The following ZXDC variants were observed in gnomAD, a reference collection of about 807,000 sequenced individuals.
The protein encoded by ZXDC is ZXD family zinc finger C.
ZXDC carries 58 observed loss-of-function variants against 63.6 expected under a neutral mutation model. The ratio of observed to expected loss-of-function variants is 0.91; its 90% CI spans 0.74 to 1.13. The LOEUF is 1.13. ZXDC is among the 50% of genes most tolerant of loss of function. ZXDC has a pLI of 0.00. For synonymous variants in ZXDC, 561 were observed against 496.1 expected (o/e 1.13, Z -1.74); for missense variants, 1,133 against 1,148.9 (o/e 0.99, Z 0.20).
Position 126,448,580 on chromosome 3 carries a change from A to G in ZXDC, c.2213-6634T>C, listed in dbSNP as rs1933970714. 3.3e-5 allele frequency among the ~76,000 whole-genome samples: 5 copies of G among 152,202 alleles called. No homozygotes were observed. In the South Asian group the frequency reaches 1.0e-3, roughly 32 times the overall value. On this transcript the variant is annotated intron_variant, in intron 7 of 9. Transcript: ENST00000389709. Reference sequence around the variant, plus strand: ...AGGCATCCCGGGCAGGCACCAGGGCATGGCACGGCCATGCACTAAGAAGCA... The same window carrying G: ...AGGCATCCCGGGCAGGCACCAGGGCGTGGCACGGCCATGCACTAAGAAGCA...
chr3:126,446,425 A>T (rs1933884408), intron 7 of ZXDC, among the ~76,000 whole-genome samples: 1 of 152,082 alleles, frequency 6.6e-6, no homozygotes, highest in Non-Finnish European at 1.5e-5. Context: ...CCATGACGAG[A>T]ATTAGGTGAG....
At chr3:126,464,264 A>T (rs996678174) in intron 5 of ZXDC, among the ~76,000 whole-genome samples, 1 of 152,266 alleles carries the variant, frequency 6.6e-6, no homozygotes, top group Non-Finnish European at 1.5e-5. Context: ...AGCATCTGGC[A>T]AAACAGTCAT....
chr3:126,450,055 T>C (rs1934038454), intron 7 of ZXDC, among the ~76,000 whole-genome samples: 1 of 152,138 alleles, frequency 6.6e-6, no homozygotes, highest in African/African-American at 2.4e-5. Flanking sequence ...TACCTTTCCC[T>C]GAGACAGTCA....
rs1452088974 is a variant in ZXDC, at chr3:126,437,897, A to C, written c.*478T>G. 5.9e-6 allele frequency: 1 copy of C among 168,932 alleles called. No homozygotes were observed. The highest frequency in any genetic ancestry group is 1.8e-4 in the East Asian group (1 of 5,446). 10.5% of individuals were successfully genotyped at this position (168,932 alleles called of 1,614,324 possible). ...GTGGCAATGGGACCACCTGGGCCCT[A>C]CAGTGTGGCAAAATCAACTTGCCCA... is the stretch of plus-strand genomic sequence containing the variant. On this transcript the variant is annotated 3_prime_UTR_variant, in exon 10 of 10. Coordinates refer to ENST00000389709, the MANE Select transcript of ZXDC (RefSeq NM_025112.5).
In ZXDC at chr3:126,467,157, G is replaced by C. The variant is rs140138161; in HGVS notation, c.1271-832C>G. 2.8e-3 allele frequency among the ~76,000 whole-genome samples: 431 copies of C among 152,160 alleles called. 3 individuals are homozygous for C. The highest frequency in any genetic ancestry group is 6.8e-3 in the Middle Eastern group (2 of 294). On this transcript the variant is annotated intron_variant, in intron 4 of 9. Transcript: ENST00000389709. ...CGAGAAGGCAGAAAAGCGGTCTCAG[G>C]AGTATGCAGCCCTCGAGGTGACTGG...
At chr3:126,470,024 C>T (rs62264720) in intron 4 of ZXDC, among the ~76,000 whole-genome samples, 1,975 of 152,274 alleles carry the variant, frequency 0.013, 15 homozygotes, top group East Asian at 0.046. Flanking sequence ...CATGACCACC[C>T]GACGTGTCCT....
Position 126,454,037 on chromosome 3 carries a change from T to A in ZXDC, c.2212+5616A>T, listed in dbSNP as rs554472743. The A allele has an allele frequency of 9.2e-6, 7 of 761,318 alleles. No individual in the cohort carries two copies. The East Asian group carries it at 7.7e-4, about 84-fold the overall frequency. The allele number at this position is 761,318 out of a possible 1,614,324, so 47.2% of individuals were successfully genotyped here. ...CAGTACTATATATTATGTATATATA[T>A]AGGTAGTACTACACATATATATATA... On this transcript the variant is annotated intron_variant, in intron 7 of 9. Transcript: ENST00000389709.
At chr3:126,465,075 C>T (rs1035446160) in intron 5 of ZXDC, among the ~76,000 whole-genome samples, 1 of 152,174 alleles carries the variant, frequency 6.6e-6, no homozygotes, top group Non-Finnish European at 1.5e-5. Context: ...CACAGCTGCG[C>T]CCCAAAGCCG....
intron 7 of ZXDC, chr3:126,450,459 C>T: frequency 2.2e-6 from 1 of 456,736 alleles, no homozygotes. Flanking sequence ...GACAAAGCCC[C>T]TGCATCCTCA....
At position 126,439,624 on chromosome 3, in the gene ZXDC, A is replaced by G. The variant is rs778587961; in HGVS notation, c.2490+8T>C. The G allele has an allele frequency of 3.2e-6, 5 of 1,552,406 alleles. No homozygotes were observed. The highest frequency in any genetic ancestry group is 2.4e-5 in the East Asian group (1 of 41,056). Reference sequence around the variant, plus strand: ...TAAGAAAAACAAAGGGCAGTAAGGCATCCAGACCTGGAGGACGTAGACGGG... The same window carrying G: ...TAAGAAAAACAAAGGGCAGTAAGGCGTCCAGACCTGGAGGACGTAGACGGG... On this transcript the variant is annotated splice_region_variant and intron_variant, in intron 9 of 9. Transcript: ENST00000389709.
At position 126,475,232 on chromosome 3, in the gene ZXDC, G is replaced by A. The variant is rs1321692656; in HGVS notation, c.634C>T (p.Leu212=). ...GQGRRPFKCP[L]EGCGWAFTTS... ...GTGAAGGCCCAACCACAGCCCTCCA[G>A]TGGGCACTTGAAGGGCCGCCGGCCC... Residue 212 remains leucine (L), a synonymous_variant, in exon 1 of 10, where the codon CTG becomes TTG. Transcript: ENST00000389709. 1 of 1,568,272 alleles carries A rather than the reference G, an allele frequency of 6.4e-7. No individual in the cohort carries two copies. The highest frequency in any genetic ancestry group is 2.4e-5 in the East Asian group (1 of 42,092).
intron 6 of ZXDC, chr3:126,460,604 C>G: frequency 1.0e-6 from 1 of 985,394 alleles, no homozygotes; most frequent in South Asian, 4.7e-5. Context: ...GTGGCCACCT[C>G]CCATCCCTGC....
intron 7 of ZXDC, chr3:126,451,455 TA>T (rs1170469761): frequency 1.0e-6 from 1 of 985,340 alleles, no homozygotes; most frequent in Non-Finnish European, 1.2e-6. Flanking sequence ...TTCCTTGAGA[TA>T]AATTCAAAAA....
Position 126,437,772 on chromosome 3 carries a change from G to GTAAT in ZXDC, c.*599_*602dup, listed in dbSNP as rs1288876202. ...GAATTTAGTCTGGGAAGAGGGCTCC[G>GTAAT]TAATAGGCCACTGAGGTCCTCTGTC... On this transcript the variant is annotated 3_prime_UTR_variant, in exon 10 of 10. Coordinates refer to ENST00000389709, the MANE Select transcript of ZXDC (RefSeq NM_025112.5). 6.6e-6 allele frequency: 1 copy of GTAAT among 152,638 alleles called. No individual in the cohort carries two copies. Among genetic ancestry groups the GTAAT allele is most frequent in the Non-Finnish European group, 1.5e-5 (1 of 68,402 alleles). The allele number at this position is 152,638 out of a possible 1,614,324, so 9.5% of individuals were successfully genotyped here.
At chr3:126,449,740 T>C (rs1301263235) in intron 7 of ZXDC, among the ~76,000 whole-genome samples, 2 of 152,032 alleles carry the variant, frequency 1.3e-5, no homozygotes, top group African/African-American at 2.4e-5. Context: ...TCACCCTCAA[T>C]CACCTGACGG....
chr3:126,452,295 G>A, intron 7 of ZXDC: 2 of 985,362 alleles, frequency 2.0e-6, no homozygotes, highest in Non-Finnish European at 2.4e-6. Flanking sequence ...AATTGTCCTG[G>A]AACCTGCTTG....
Position 126,475,684 on chromosome 3 carries a change from G to A in ZXDC, c.182C>T (p.Pro61Leu). The A allele has an allele frequency of 7.4e-7, 1 of 1,349,156 alleles. No individual in the cohort carries two copies. The highest frequency in any genetic ancestry group is 9.5e-7 in the Non-Finnish European group (1 of 1,049,286). The allele number at this position is 1,349,156 out of a possible 1,614,324, so 83.6% of individuals were successfully genotyped here. A position where few individuals can be genotyped will look rare whatever the true frequency, so the allele number is the denominator to read the frequency against. ...GTCGTCCTCGGCGGGCGGCGGGCTT[G>A]GCCCGGAGGCCTCCCCGGGCCGCGC... Reference protein sequence around the residue: ...PGARPGEASGPSPPPAEDDSD... With the variant: ...PGARPGEASGLSPPPAEDDSD... The change falls in exon 1 of 10, where the codon CCA (proline) becomes CTA (leucine). Residue 61 changes from proline to leucine, a missense_variant. By Grantham distance (98) the Pro-to-Leu change is moderately conservative. Transcript: ENST00000389709.
At chr3:126,442,564 A>AC (rs1933723318) in intron 7 of ZXDC, 1 of 152,188 alleles carries the variant, frequency 6.6e-6, no homozygotes, top group African/African-American at 2.4e-5. Flanking sequence ...GCTCACCCTG[A>AC]CCCGCCACCC....
chr3:126,438,513 G>A (rs1386196438), intron 9 of ZXDC, 52 bp from the exon 10 acceptor site: 2 of 1,535,926 alleles, frequency 1.3e-6, no homozygotes, highest in Non-Finnish European at 1.8e-6. Context: ...GAGGCAGAGG[G>A]ATCCTGTGGC....
Sources: gnomAD v4.1 joint callset for allele counts (sites outside exome capture counted in the v4.1 genomes callset) on GRCh38, gnomAD v4.1.1 for gene constraint, MANE v1.5 for transcripts, NCBI Gene and HGNC (gene_info 2026-07-23, HGNC 2026-07-21) for gene names.